The following MED27 variants were observed in gnomAD, a reference collection of about 807,000 sequenced individuals.
MED27 encodes mediator complex subunit 27.
A neutral mutation model predicts 38.2 loss-of-function variants in MED27; 30 were observed. That is an observed-to-expected ratio of 0.79 (90% confidence interval 0.59 to 1.07). The LOEUF (loss-of-function observed/expected upper bound fraction) is 1.07. Among genes scored for constraint, MED27 ranks in the 50% least tolerant of loss-of-function variants. The pLI, the probability that MED27 is intolerant of heterozygous loss-of-function variation, is 0.00. For synonymous variants in MED27, 122 were observed against 153.5 expected (o/e 0.79, Z 1.52); for missense variants, 289 against 397.5 (o/e 0.73, Z 2.32).
At chr9:131,940,127 G>A (rs910236299) in intron 3 of MED27, among the ~76,000 whole-genome samples, 7 of 151,682 alleles carry the variant, frequency 4.6e-5, no homozygotes, top group Non-Finnish European at 8.8e-5. Flanking sequence ...GGCTGGTCTC[G>A]AACTCCTGAC....
At chr9:131,907,158 A>C (rs945669612) in intron 4 of MED27, among the ~76,000 whole-genome samples, 9 of 151,342 alleles carry the variant, frequency 5.9e-5, no homozygotes, top group African/African-American at 2.2e-4. Flanking sequence ...ACTTGTGCTG[A>C]CCTCCTATCT....
At chr9:132,023,852 C>T (rs1448436312) in intron 2 of MED27, among the ~76,000 whole-genome samples, 1 of 152,166 alleles carries the variant, frequency 6.6e-6, no homozygotes, top group Admixed American at 6.5e-5. Context: ...AGTTAGGAGG[C>T]ATGCAAGAAC....
intron 2 of MED27, among the ~76,000 whole-genome samples, chr9:132,070,422 G>A (rs760650170): frequency 6.6e-6 from 1 of 152,088 alleles, no homozygotes; most frequent in Non-Finnish European, 1.5e-5. Flanking sequence ...CTGGGCGTGG[G>A]TGTGCATGCT....
chr9:131,899,891 C>A (rs1829905512), intron 4 of MED27, among the ~76,000 whole-genome samples: 1 of 152,222 alleles, frequency 6.6e-6, no homozygotes, highest in Admixed American at 6.5e-5. Flanking sequence ...GGCCAATGGG[C>A]ATCTTTCCAC....
intron 2 of MED27, among the ~76,000 whole-genome samples, chr9:132,047,858 CA>C (rs1833376770): frequency 6.6e-6 from 1 of 151,846 alleles, no homozygotes; most frequent in South Asian, 2.1e-4. Flanking sequence ...ATGAACACAA[CA>C]AAGCTAAAAA....
intron 3 of MED27, among the ~76,000 whole-genome samples, chr9:131,969,266 T>C (rs972820358): frequency 6.6e-6 from 1 of 150,742 alleles, no homozygotes; most frequent in African/African-American, 2.4e-5. Context: ...ATCTAGAGAT[T>C]GTTTACTCAG....
intron 3 of MED27, among the ~76,000 whole-genome samples, chr9:131,942,906 A>AT (rs1830813653): frequency 6.6e-6 from 1 of 152,066 alleles, no homozygotes; most frequent in Non-Finnish European, 1.5e-5. Flanking sequence ...TATTGATGAG[A>AT]TTTTTACCTG....
At chr9:131,972,735 A>G (rs1240834663) in intron 3 of MED27, among the ~76,000 whole-genome samples, 14 of 152,230 alleles carry the variant, frequency 9.2e-5, no homozygotes, top group Admixed American at 9.2e-4. Context: ...TGTTATACCA[A>G]AAAGGCTAAT....
At chr9:132,016,753 C>G (rs1832611688) in intron 2 of MED27, among the ~76,000 whole-genome samples, 2 of 152,214 alleles carry the variant, frequency 1.3e-5, no homozygotes, top group South Asian at 4.1e-4. Flanking sequence ...CCATTCCAGC[C>G]CTGCTGACTC....
intron 4 of MED27, among the ~76,000 whole-genome samples, chr9:131,916,459 A>G (rs1394941326): frequency 6.6e-6 from 1 of 152,234 alleles, no homozygotes; most frequent in Non-Finnish European, 1.5e-5. Context: ...TTTGCGGCAC[A>G]TTATTGACTG....
chr9:132,025,229 G>A (rs949117664), intron 2 of MED27, among the ~76,000 whole-genome samples: 31 of 151,422 alleles, frequency 2.0e-4, no homozygotes, highest in African/African-American at 7.5e-4. Flanking sequence ...TGCCCAGGCT[G>A]GAGTGCAATG....
intron 2 of MED27, among the ~76,000 whole-genome samples, chr9:132,035,983 C>T (rs1564334253): frequency 6.6e-6 from 1 of 151,500 alleles, no homozygotes; most frequent in Non-Finnish European, 1.5e-5. Context: ...CACAAAAACA[C>T]AAAAAAAACC....
At chr9:132,025,625 A>G (rs139876955) in intron 2 of MED27, among the ~76,000 whole-genome samples, 1 of 152,352 alleles carries the variant, frequency 6.6e-6, no homozygotes, top group Non-Finnish European at 1.5e-5. Context: ...TGACCTTGGG[A>G]GAGTTCTTCA....
chr9:131,934,134 A>G (rs1209945442), intron 4 of MED27, among the ~76,000 whole-genome samples: 1 of 152,244 alleles, frequency 6.6e-6, no homozygotes, highest in Non-Finnish European at 1.5e-5. Context: ...ATACAAATGG[A>G]TTAAAGACTT....
intron 3 of MED27, among the ~76,000 whole-genome samples, chr9:131,988,330 A>C (rs1192288540): frequency 6.6e-6 from 1 of 152,218 alleles, no homozygotes; most frequent in Non-Finnish European, 1.5e-5. Context: ...AAATAAAAAA[A>C]AAGAAGCCAT....
At chr9:131,863,318 G>A (rs1838682402) in intron 6 of MED27, among the ~76,000 whole-genome samples, 178 bp from the exon 7 acceptor site, 1 of 152,244 alleles carries the variant, frequency 6.6e-6, no homozygotes, top group Non-Finnish European at 1.5e-5. Context: ...CCCAGAGGGG[G>A]AGAAGAGGCA....
chr9:131,896,076 T>A (rs1424910783), intron 4 of MED27, among the ~76,000 whole-genome samples: 1 of 152,112 alleles, frequency 6.6e-6, no homozygotes, highest in Non-Finnish European at 1.5e-5. Context: ...GTTTTTTGTA[T>A]TTTTAGTAGA....
intron 3 of MED27, among the ~76,000 whole-genome samples, chr9:131,967,525 C>T (rs1433122108): frequency 1.3e-5 from 2 of 148,442 alleles, no homozygotes; most frequent in African/African-American, 2.5e-5. Flanking sequence ...GAGTTTCGCT[C>T]TTGTTGCCCA....
chr9:132,075,401 G>A (rs1045179985), intron 2 of MED27, among the ~76,000 whole-genome samples: 6 of 152,128 alleles, frequency 3.9e-5, no homozygotes, highest in African/African-American at 1.4e-4. Context: ...CCGGGGGCAT[G>A]GCTACAACCT....
Sources: allele counts gnomAD v4.1 joint callset (sites outside exome capture counted in the v4.1 genomes callset), GRCh38; gene constraint gnomAD v4.1.1; transcripts MANE v1.5; gene names NCBI Gene and HGNC (gene_info 2026-07-23, HGNC 2026-07-21).